SPAG16: variants seen among roughly 807,000 people sequenced by gnomAD.
SPAG16 encodes sperm associated antigen 16.
A neutral mutation model predicts 80.4 loss-of-function variants in SPAG16; 86 were observed. The observed-to-expected ratio is 1.07, with a 90% CI of 0.90 to 1.28. SPAG16 has a LOEUF of 1.28. Ranked by LOEUF, SPAG16 falls within the 50% of genes most tolerant of loss-of-function variation. The probability of loss-of-function intolerance (pLI) is 0.00; values close to 1 mark genes in which losing one functional copy is unlikely to be tolerated. For synonymous variants in SPAG16, 294 were observed against 265.9 expected, an observed-to-expected ratio of 1.11 and a Z score of -1.03; for missense variants, 870 against 765.3, an observed-to-expected ratio of 1.14 and a Z score of -1.61.
At chr2:214,082,438 A>G (rs1291256677) in intron 13 of SPAG16, among the ~76,000 whole-genome samples, 1 of 152,118 alleles carries the variant, frequency 6.6e-6, no homozygotes, top group Non-Finnish European at 1.5e-5. Flanking sequence ...ATACTACTTT[A>G]GTTATACTGC....
intron 9 of SPAG16, among the ~76,000 whole-genome samples, chr2:213,433,485 T>G (rs1490692833): frequency 6.6e-6 from 1 of 152,212 alleles, no homozygotes; most frequent in East Asian, 1.9e-4. Context: ...AAATCAAGAA[T>G]GTAATCTCAT....
chr2:213,907,110 A>T (rs2077463342), intron 11 of SPAG16, among the ~76,000 whole-genome samples: 2 of 152,216 alleles, frequency 1.3e-5, no homozygotes, highest in South Asian at 4.1e-4. Flanking sequence ...CAAACTATTC[A>T]TTCAACAATG....
intron 12 of SPAG16, among the ~76,000 whole-genome samples, chr2:213,937,021 A>G (rs998260905): frequency 6.6e-6 from 1 of 152,178 alleles, no homozygotes; most frequent in Admixed American, 6.5e-5. Context: ...TTAATGATAT[A>G]TACTATTATT....
chr2:213,363,194 G>A (rs903601229), intron 7 of SPAG16, among the ~76,000 whole-genome samples: 1 of 152,126 alleles, frequency 6.6e-6, no homozygotes, highest in South Asian at 2.1e-4. Flanking sequence ...GGGAAAAAGG[G>A]TATGGGATAA....
chr2:213,400,146 A>G, intron 9 of SPAG16, among the ~76,000 whole-genome samples: 1 of 151,996 alleles, frequency 6.6e-6, no homozygotes, highest in East Asian at 1.9e-4. Context: ...TTTTTCTTGT[A>G]TAACTTTGTA....
At chr2:213,862,386 C>T in intron 10 of SPAG16, 99 bp from the exon 11 acceptor site, 2 of 1,472,316 alleles carry the variant, frequency 1.4e-6, no homozygotes, top group Non-Finnish European at 1.9e-6. Context: ...ACTATCCTGC[C>T]TTGCTAAAAT....
intron 11 of SPAG16, among the ~76,000 whole-genome samples, chr2:213,866,151 G>A (rs556286246): frequency 6.6e-6 from 1 of 151,728 alleles, no homozygotes; most frequent in East Asian, 1.9e-4. Flanking sequence ...AGAAAAAAAA[G>A]TGTTAGAATA....
At chr2:213,959,244 C>A (rs1378095614) in intron 12 of SPAG16, among the ~76,000 whole-genome samples, 1 of 152,050 alleles carries the variant, frequency 6.6e-6, no homozygotes, top group Non-Finnish European at 1.5e-5. Context: ...TCTTTGATTT[C>A]ATCTTACTTG....
intron 10 of SPAG16, among the ~76,000 whole-genome samples, chr2:213,539,664 C>T (rs1056906308): frequency 6.6e-6 from 1 of 151,984 alleles, no homozygotes; most frequent in South Asian, 2.1e-4. Flanking sequence ...GTGTTACAAC[C>T]GAACAAAAAG....
intron 10 of SPAG16, among the ~76,000 whole-genome samples, chr2:213,770,513 A>G (rs747701938): frequency 6.6e-6 from 1 of 152,186 alleles, no homozygotes; most frequent in Non-Finnish European, 1.5e-5. Flanking sequence ...GGTTTGTTAC[A>G]TGGGGAAACA....
intron 15 of SPAG16, among the ~76,000 whole-genome samples, chr2:214,335,051 C>T (rs1185530575): frequency 3.3e-5 from 5 of 152,116 alleles, no homozygotes; most frequent in Non-Finnish European, 7.4e-5. Context: ...GAAGCAAAAC[C>T]GATGAGGAAG....
chr2:213,573,347 T>C (rs1387692382), intron 10 of SPAG16, among the ~76,000 whole-genome samples: 1 of 152,248 alleles, frequency 6.6e-6, no homozygotes, highest in Non-Finnish European at 1.5e-5. Context: ...CAATCATTTT[T>C]ATTTCTCTGT....
chr2:214,245,720 A>G (rs1689792383), intron 15 of SPAG16, among the ~76,000 whole-genome samples: 1 of 152,164 alleles, frequency 6.6e-6, no homozygotes, highest in Non-Finnish European at 1.5e-5. Flanking sequence ...AGGGCATTTC[A>G]GGTCAACTCA....
chr2:214,375,165 G>A (rs1700054105), intron 15 of SPAG16, among the ~76,000 whole-genome samples: 2 of 152,106 alleles, frequency 1.3e-5, no homozygotes, highest in East Asian at 3.9e-4. Flanking sequence ...ACTTCCTTTA[G>A]CTCACACTAA....
At chr2:214,404,807 A>G (rs550608284) in intron 15 of SPAG16, among the ~76,000 whole-genome samples, 5 of 152,288 alleles carry the variant, frequency 3.3e-5, no homozygotes, top group Non-Finnish European at 7.4e-5. Context: ...GAAATGGTAG[A>G]ACCAGGGAGA....
intron 13 of SPAG16, among the ~76,000 whole-genome samples, chr2:214,045,352 G>A (rs914857014): frequency 2.6e-5 from 4 of 152,160 alleles, no homozygotes; most frequent in African/African-American, 9.7e-5. Flanking sequence ...ATCACCTGTT[G>A]ATTAAAAAGC....
At chr2:213,341,565 T>C (rs2064689784) in intron 6 of SPAG16, among the ~76,000 whole-genome samples, 1 of 152,170 alleles carries the variant, frequency 6.6e-6, no homozygotes, top group South Asian at 2.1e-4. Flanking sequence ...CAGACTCTCA[T>C]TCTGTCGCCC....
intron 15 of SPAG16, among the ~76,000 whole-genome samples, chr2:214,357,724 C>T (rs905973444): frequency 2.6e-5 from 4 of 151,838 alleles, no homozygotes; most frequent in Non-Finnish European, 4.4e-5. Flanking sequence ...TTATAACTCT[C>T]CTTCATGTGG....
intron 15 of SPAG16, among the ~76,000 whole-genome samples, chr2:214,171,986 G>A (rs1254108182): frequency 6.6e-6 from 1 of 151,700 alleles, no homozygotes; most frequent in Non-Finnish European, 1.5e-5. Flanking sequence ...ACTTTTCTGA[G>A]ACAAGATCAG....
Sources: allele counts gnomAD v4.1 joint callset (sites outside exome capture counted in the v4.1 genomes callset), GRCh38; gene constraint gnomAD v4.1.1; transcripts MANE v1.5; gene names NCBI Gene and HGNC (gene_info 2026-07-23, HGNC 2026-07-21).